Variants in SLC27A3 observed in about 807,000 individuals in gnomAD.
SLC27A3 encodes solute carrier family 27 member 3, also known as long-chain fatty acid transport protein 3.
In SLC27A3, 60 loss-of-function variants were observed where a neutral mutation model predicts 60.1. That is an observed-to-expected ratio of 1.00 (90% CI 0.81 to 1.24). The LOEUF (loss-of-function observed/expected upper bound fraction) is 1.24. SLC27A3 is among the 50% of genes most tolerant of loss of function. The probability of loss-of-function intolerance (pLI) is 0.00; values close to 1 mark genes in which losing one functional copy is unlikely to be tolerated. For missense variants in SLC27A3, 1,079 were observed against 929.9 expected, an observed-to-expected ratio of 1.16 and a Z score of -2.09; for synonymous variants, 455 against 409.0, an observed-to-expected ratio of 1.11 and a Z score of -1.36.
rs1375376781 is a variant in SLC27A3, at chr1:153,778,687, G to A, written c.1448G>A (p.Gly483Asp). 6.2e-7 allele frequency: 1 copy of A among 1,612,754 alleles called. No individual in the cohort carries two copies. Among genetic ancestry groups the A allele is most frequent in the Non-Finnish European group, 8.5e-7 (1 of 1,179,926 alleles). The change falls in exon 7 of 10, where the codon GGT (glycine) becomes GAT (aspartate). Residue 483 changes from glycine to aspartate, a missense_variant and splice_region_variant. By Grantham distance (94) the Gly-to-Asp change is moderately conservative (BLOSUM62 -1). Coordinates refer to ENST00000624995, the MANE Select transcript of SLC27A3 (RefSeq NM_024330.4). ...CTCCTGACCCTGGTGACTCTGCCAG[G>A]TGAGCCAGGGCTGCTGGTGGCCCCG... is the stretch of plus-strand genomic sequence containing the variant. ...PQGHCMATSPGEPGLLVAPVS... is the reference protein window; with the variant it reads ...PQGHCMATSPDEPGLLVAPVS...
chr1:153,778,029 G>A (rs1673321671), intron 4 of SLC27A3, 132 bp from the exon 5 acceptor site: 1 of 1,474,420 alleles, frequency 6.8e-7, no homozygotes, highest in Non-Finnish European at 9.2e-7. Context: ...AGATGGCCTA[G>A]GCCATCTGAT....
chr1:153,779,308 A>C (rs578026087), intron 8 of SLC27A3, 35 bp from the exon 9 acceptor site: 1 of 1,613,696 alleles, frequency 6.2e-7, no homozygotes, highest in South Asian at 1.1e-5. Flanking sequence ...GTGGTCAGCC[A>C]TGGAGGGGCT....
chr1:153,778,165 A>C lies in SLC27A3; in HGVS notation c.1166A>C (p.Lys389Thr). The change falls in exon 5 of 10, where the codon AAG (lysine) becomes ACG (threonine). Residue 389 changes from lysine (K) to threonine (T), a missense_variant. Coordinates refer to ENST00000624995, the MANE Select transcript of SLC27A3 (RefSeq NM_024330.4). ...CCCCTCTCCCACTCATCTCAGAGCA[A>C]GGCAGAACGTGGCCATAAGGTCCGG... ...CRYLVNQPPS[K>T]AERGHKVRLA... 1 of 1,607,538 alleles carries C rather than the reference A, an allele frequency of 6.2e-7. No individual in the cohort carries two copies. Among genetic ancestry groups the C allele is most frequent in the Non-Finnish European group, 8.5e-7 (1 of 1,179,094 alleles).
In SLC27A3 at chr1:153,779,447, G is replaced by A. The variant is rs1301783644; in HGVS notation, c.1849G>A (p.Ala617Thr). The A allele has an allele frequency of 6.2e-7, 1 of 1,613,570 alleles. No individual in the cohort carries two copies. Among genetic ancestry groups the A allele is most frequent in the Non-Finnish European group, 8.5e-7 (1 of 1,179,960 alleles). Reference protein sequence around the residue: ...THVSENLPPYARPRFLRLQES... With the variant: ...THVSENLPPYTRPRFLRLQES... ...CGTGTCTGAGAACTTGCCACCTTAT[G>A]CCCGGCCCCGATTCCTCAGGCTCCA... Residue 617 changes from alanine (A) to threonine (T), a missense_variant, in exon 9 of 10, where the codon GCC (alanine) becomes ACC (threonine). Physicochemically the swap from Ala to Thr is moderately conservative, Grantham distance 58. Transcript: ENST00000624995.
chr1:153,777,590 G>GC, intron 3 of SLC27A3, 171 bp from the exon 4 acceptor site: 1 of 835,746 alleles, frequency 1.2e-6, no homozygotes, highest in Non-Finnish European at 1.9e-6. Context: ...GGGGACAGGG[G>GC]CCGGGGGAGG....
chr1:153,779,591 G>A lies in SLC27A3; in HGVS notation c.1875+118G>A, dbSNP rs554869822. The A allele has an allele frequency of 6.4e-5, 76 of 1,196,380 alleles. 1 individual carries two copies. The highest frequency in any genetic ancestry group is 2.6e-4 in the Middle Eastern group (1 of 3,874). 74.1% of individuals were successfully genotyped at this position (1,196,380 alleles called of 1,614,324 possible). ...CAAACTCCACAAAGGGACCCCCAAC[G>A]TAATACACTCCGTGAAGAGAAAAAA... On this transcript the variant is annotated intron_variant, in intron 9 of 9. Coordinates refer to ENST00000624995, the MANE Select transcript of SLC27A3 (RefSeq NM_024330.4).
chr1:153,776,170 G>T lies in SLC27A3; in HGVS notation c.667+6G>T. ...CGCGCTGGTGCTGGCGCCAGGTAAG[G>T]CTGGAGCTCCGAACTGACTAAGGCG... On this transcript the variant is annotated splice_donor_region_variant and intron_variant, in intron 1 of 9. Coordinates refer to ENST00000624995, the MANE Select transcript of SLC27A3 (RefSeq NM_024330.4). 2 of 1,417,322 alleles carry T rather than the reference G, an allele frequency of 1.4e-6. No homozygotes were observed. The highest frequency in any genetic ancestry group is 1.8e-6 in the Non-Finnish European group (2 of 1,097,854). 87.8% of individuals were successfully genotyped at this position (1,417,322 alleles called of 1,614,324 possible).
intron 1 of SLC27A3, 149 bp downstream of exon 1, chr1:153,776,313 C>T (rs1279148171): frequency 5.7e-6 from 8 of 1,410,572 alleles, no homozygotes; most frequent in Non-Finnish European, 6.5e-6. Flanking sequence ...TAGGAGTCTC[C>T]GGGTTTGAGA....
rs1408673084 is a variant in SLC27A3 at position 153,775,694 on chromosome 1, G to A, written c.197G>A (p.Ser66Asn). The A allele has an allele frequency of 2.6e-6, 4 of 1,528,276 alleles. No individual in the cohort carries two copies. In the East Asian group the frequency reaches 9.2e-5, roughly 35 times the overall value. 94.7% of individuals were successfully genotyped at this position (1,528,276 alleles called of 1,614,324 possible). A position where few individuals can be genotyped will look rare whatever the true frequency, so the allele number is the denominator to read the frequency against. Residue 66 changes from serine (S) to asparagine (N), a missense_variant, in exon 1 of 10, where the codon AGC becomes AAC. Physicochemically the swap from Ser to Asn is conservative, Grantham distance 46. Coordinates refer to ENST00000624995, the MANE Select transcript of SLC27A3 (RefSeq NM_024330.4). ...ADPEGPEGGC[S>N]LAWRLAELAQ... is the part of the protein sequence containing the mutation. ...CCGGAAGGTCCCGAGGGGGGCTGCA[G>A]CCTGGCCTGGCGCCTCGCGGAACTG...
In SLC27A3 at chr1:153,775,812, C is replaced by G; in HGVS notation, c.315C>G (p.Arg105=). The stretch of plus-strand genomic sequence containing the variant: ...AGCGCGAGAGTAACAGGGCTGCACG[C>G]GCCTTCCTACGTGCGCTAGGCTGGG... The part of the protein sequence containing the change: ...EAERESNRAA[R]AFLRALGWDW... Residue 105 remains arginine (R), a synonymous_variant, in exon 1 of 10, where the codon CGC becomes CGG. Transcript: ENST00000624995. 6.7e-7 allele frequency: 1 copy of G among 1,494,774 alleles called. No individual in the cohort carries two copies. The highest frequency in any genetic ancestry group is 2.5e-5 in the East Asian group (1 of 39,872). The allele number at this position is 1,494,774 out of a possible 1,614,324, so 92.6% of individuals were successfully genotyped here.
At chr1:153,778,084 G>A in intron 4 of SLC27A3, 77 bp from the exon 5 acceptor site, 1 of 1,530,904 alleles carries the variant, frequency 6.5e-7, no homozygotes, top group African/African-American at 1.4e-5. Flanking sequence ...GGGTTCTGGG[G>A]AATGGGGAAC....
rs540144937 is a variant in SLC27A3, at chr1:153,778,086, A to G, written c.1162-75A>G. On this transcript the variant is annotated intron_variant, in intron 4 of 9. Transcript: ENST00000624995. The stretch of plus-strand genomic sequence containing the variant: ...TCACAGTAGGAGGGGGTTCTGGGGA[A>G]TGGGGAACAGGAATTCACTTCCGGG... 2.6e-5 allele frequency: 39 copies of G among 1,527,506 alleles called. No homozygotes were observed. The African/African-American group carries it at 3.8e-4, about 15-fold the overall frequency. The allele number at this position is 1,527,506 out of a possible 1,614,324, so 94.6% of individuals were successfully genotyped here.
Position 153,777,057 on chromosome 1 carries a change from C to A in SLC27A3, c.878-5C>A, listed in dbSNP as rs776400774. The A allele has an allele frequency of 1.2e-6, 2 of 1,614,068 alleles. No homozygotes were observed. Among genetic ancestry groups the A allele is most frequent in the East Asian group, 2.2e-5 (1 of 44,884 alleles). The stretch of plus-strand genomic sequence containing the variant: ...CCTGATCGTCCCATAACTGCCACCC[C>A]ACAGGCCTCCCCAAGGCTGCTCGGA... On this transcript the variant is annotated splice_polypyrimidine_tract_variant and splice_region_variant and intron_variant, in intron 2 of 9. Coordinates refer to ENST00000624995, the MANE Select transcript of SLC27A3 (RefSeq NM_024330.4).
Position 153,775,872 on chromosome 1 carries a change from G to C in SLC27A3, c.375G>C (p.Gly125=), listed in dbSNP as rs777389392. The C allele has an allele frequency of 2.5e-5, 38 of 1,491,262 alleles. No individual in the cohort carries two copies. The highest frequency in any genetic ancestry group is 2.0e-4 in the Middle Eastern group (1 of 5,040). The allele number at this position is 1,491,262 out of a possible 1,614,324, so 92.4% of individuals were successfully genotyped here. The change falls in exon 1 of 10, where the codon GGG becomes GGC. Residue 125 remains glycine (G), a synonymous_variant. Transcript: ENST00000624995. ...WGPDGGDSGE[G]SAGEGERAAP... ...CCGACGGCGGCGACAGCGGCGAGGG[G>C]AGCGCTGGAGAAGGCGAGCGGGCAG...
intron 3 of SLC27A3, chr1:153,777,511 G>T: frequency 1.6e-6 from 1 of 615,248 alleles, no homozygotes; most frequent in Non-Finnish European, 2.9e-6. Flanking sequence ...AGACAAGGAA[G>T]TGAGAGTGTG....
At chr1:153,777,550 A>T in intron 3 of SLC27A3, 2 of 647,002 alleles carry the variant, frequency 3.1e-6, no homozygotes, top group Non-Finnish European at 5.4e-6. Context: ...GCTGGGAAGT[A>T]GGGAAAGGGC....
In SLC27A3 at chr1:153,776,701, T is replaced by A. The variant is rs565076905; in HGVS notation, c.851T>A (p.Leu284Gln). 35 of 1,613,958 alleles carry A rather than the reference T, an allele frequency of 2.2e-5. No homozygotes were observed. The highest frequency in any genetic ancestry group is 8.5e-7 in the Non-Finnish European group (1 of 1,179,980). The change falls in exon 2 of 10, where the codon CTG becomes CAG. Residue 284 changes from leucine (L) to glutamine (Q), a missense_variant. Transcript: ENST00000624995. ...SSPQSITDTC[L>Q]YIFTSGTTGL... ...CCCCAGAGCATAACAGACACGTGCCTGTACATCTTCACCTCTGGCACCACG... is the reference window on the plus strand; with the variant it reads ...CCCCAGAGCATAACAGACACGTGCCAGTACATCTTCACCTCTGGCACCACG...
At chr1:153,778,648 G>A in intron 6 of SLC27A3, 39 bp from the exon 7 acceptor site, 2 of 1,611,894 alleles carry the variant, frequency 1.2e-6, no homozygotes, top group Non-Finnish European at 1.7e-6. Context: ...AAGGCTCTGG[G>A]AAAGGTGACA....
rs1558024026 is a variant in SLC27A3 at position 153,779,480 on chromosome 1, GGCCACT to G, written c.1875+8_1875+13del. On this transcript the variant is annotated splice_region_variant and intron_variant, in intron 9 of 9. Transcript: ENST00000624995. ...CCGATTCCTCAGGCTCCAGGTAACC[GGCCACT>G]TCCCCCGCCGGCCCCTCACCCCATA... 6.2e-7 allele frequency: 1 copy of G among 1,610,602 alleles called. No homozygotes were observed. The highest frequency in any genetic ancestry group is 1.3e-5 in the African/African-American group (1 of 74,864).
Sources: gnomAD v4.1 joint callset for allele counts on GRCh38, gnomAD v4.1.1 for gene constraint, MANE v1.5 for transcripts, NCBI Gene and HGNC (gene_info 2026-07-23, HGNC 2026-07-21) for gene names.